Variants in TIPIN observed in about 807,000 individuals in gnomAD.
TIPIN encodes the protein TIMELESS interacting protein.
TIPIN carries 29 observed loss-of-function variants against 35.6 expected under a neutral mutation model. The observed-to-expected ratio is 0.82, with a 90% confidence interval of 0.61 to 1.11. The LOEUF is 1.11. Ranked by LOEUF, TIPIN falls within the 50% of genes most tolerant of loss-of-function variation. The pLI is 0.00. For synonymous variants in TIPIN, 102 were observed against 121.5 expected (o/e 0.84, Z 1.06); for missense variants, 296 against 345.4 (o/e 0.86, Z 1.13).
Position 66,351,690 on chromosome 15 carries a change from T to A in TIPIN, c.213-90A>T. The A allele has an allele frequency of 1.1e-5, 12 of 1,105,566 alleles. No homozygotes were observed. The South Asian group carries it at 1.4e-4, about 13-fold the overall frequency. The allele number at this position is 1,105,566 out of a possible 1,614,324, so 68.5% of individuals were successfully genotyped here. A position where few individuals can be genotyped will look rare whatever the true frequency, so the allele number is the denominator to read the frequency against. ...TCTCACTCTGTCGCCCAGGCTGGGA[T>A]GCGGTGGCGCGATCTCGGGTCACTG... On this transcript the variant is annotated intron_variant, in intron 3 of 7. Coordinates refer to ENST00000261881, the MANE Select transcript of TIPIN (RefSeq NM_017858.3).
At chr15:66,371,626 G>A (rs184310178) in intron 1 of TIPIN, among the ~76,000 whole-genome samples, 167 of 151,232 alleles carry the variant, frequency 1.1e-3, no homozygotes, top group Admixed American at 3.5e-3. Flanking sequence ...CCATTCTCCT[G>A]CCTCAGCCTC....
At chr15:66,339,145 AAAAAAAAAAAAAG>A (rs1184369136) in intron 7 of TIPIN, among the ~76,000 whole-genome samples, 3 of 55,140 alleles carry the variant, frequency 5.4e-5, no homozygotes, top group African/African-American at 1.0e-4. Context: ...AAAAAAAAAA[AAAAAAAAAAAAAG>A]CAAAAAGAAA....
chr15:66,338,833 AAAG>A (rs1304325316), intron 7 of TIPIN, among the ~76,000 whole-genome samples: 3 of 147,822 alleles, frequency 2.0e-5, no homozygotes, highest in Admixed American at 6.8e-5. Context: ...AAAAAAAAAA[AAAG>A]GAAAAAGTAA....
At chr15:66,359,174 G>GACACACACACACACACACACAC (rs144363122), upstream of TIPIN, among the ~76,000 whole-genome samples, 1 of 134,814 alleles carries the variant, frequency 7.4e-6, no homozygotes, top group Non-Finnish European at 1.7e-5. Flanking sequence ...CACACACACA[G>GACACACACACACACACACACAC]ACACACACAC....
chr15:66,339,241 G>GA (rs1301464220), intron 7 of TIPIN, among the ~76,000 whole-genome samples: 1 of 149,046 alleles, frequency 6.7e-6, no homozygotes, highest in African/African-American at 2.5e-5. Flanking sequence ...TATATTGGGT[G>GA]AAACTTCGTT....
intron 1 of TIPIN, chr15:66,386,565 A>G (rs1262187377): frequency 6.2e-6 from 1 of 162,548 alleles, no homozygotes; most frequent in East Asian, 1.3e-4. Flanking sequence ...TTTCGTCAAC[A>G]CGGCTCGGCT....
chr15:66,375,499 TTA>T (rs71139487), intron 1 of TIPIN, among the ~76,000 whole-genome samples: 59,037 of 132,186 alleles, frequency 0.45, 13,599 homozygotes, highest in Non-Finnish European at 0.54. Context: ...ATTGGAAAAG[TTA>T]TATATATATA....
At chr15:66,364,235 G>A (rs200522930) in intron 1 of TIPIN, among the ~76,000 whole-genome samples, 1 of 132,480 alleles carries the variant, frequency 7.5e-6, no homozygotes, top group African/African-American at 2.9e-5. Context: ...ATGCGATCTC[G>A]ACTCACTGCA....
chr15:66,338,813 C>CAAAAAAAAAA (rs35966273), intron 7 of TIPIN, among the ~76,000 whole-genome samples: 1 of 35,290 alleles, frequency 2.8e-5, no homozygotes, highest in African/African-American at 1.3e-4. Flanking sequence ...GACTCCGTCT[C>CAAAAAAAAAA]AAAAAAAAAA....
chr15:66,342,520 T>C (rs1595786134), intron 6 of TIPIN, among the ~76,000 whole-genome samples: 1 of 152,042 alleles, frequency 6.6e-6, no homozygotes, highest in South Asian at 2.1e-4. Context: ...CCCGCCACCA[T>C]GCCCAGCTAA....
chr15:66,370,840 A>G (rs1409126515), intron 1 of TIPIN, among the ~76,000 whole-genome samples: 1 of 152,182 alleles, frequency 6.6e-6, no homozygotes, highest in African/African-American at 2.4e-5. Flanking sequence ...TTGCCACTAA[A>G]ATAAAACTGT....
chr15:66,370,271 C>T (rs1260294024), intron 1 of TIPIN, among the ~76,000 whole-genome samples: 1 of 152,170 alleles, frequency 6.6e-6, no homozygotes, highest in South Asian at 2.1e-4. Flanking sequence ...AAAACAGGTG[C>T]TGGATCTGAC....
At chr15:66,349,475 A>C in intron 4 of TIPIN, 38 bp from the exon 5 acceptor site, 1 of 1,599,604 alleles carries the variant, frequency 6.3e-7, no homozygotes, top group Non-Finnish European at 8.5e-7. Flanking sequence ...CAGGAGTCTC[A>C]TTCTCACAGC....
chr15:66,337,334 T>TG (rs1170290952), intron 7 of TIPIN, among the ~76,000 whole-genome samples, 153 bp from the exon 8 acceptor site: 1 of 151,658 alleles, frequency 6.6e-6, no homozygotes, highest in Admixed American at 6.6e-5. Context: ...ATATCTTTTT[T>TG]TTTTTTTTTG....
intron 1 of TIPIN, chr15:66,382,996 CT>C: frequency 5.1e-6 from 5 of 985,348 alleles, no homozygotes; most frequent in Non-Finnish European, 6.0e-6. Flanking sequence ...ATTCTGCAAA[CT>C]TTAACCATTG....
At chr15:66,351,656 G>C in intron 3 of TIPIN, 56 bp from the exon 4 acceptor site, 1 of 475,218 alleles carries the variant, frequency 2.1e-6, no homozygotes, top group South Asian at 4.4e-5. Flanking sequence ...TTTTTTTTTT[G>C]AGACGGAGTC....
chr15:66,377,008 TGAGGCAG>T (rs903616684), intron 1 of TIPIN, among the ~76,000 whole-genome samples: 4 of 147,346 alleles, frequency 2.7e-5, no homozygotes, highest in Admixed American at 2.1e-4. Flanking sequence ...CTCAGAAGGC[TGAGGCAG>T]GAGAATCGCT....
chr15:66,362,164 A>G (rs753667413), intron 1 of TIPIN, among the ~76,000 whole-genome samples: 2 of 151,676 alleles, frequency 1.3e-5, no homozygotes, highest in South Asian at 2.1e-4. Context: ...TTAGCTGGGC[A>G]TGGTGGCACA....
rs909481906 is a variant in TIPIN, at chr15:66,381,781, T to C, written c.-9+4826A>G. Among the ~76,000 whole-genome samples the C allele has an allele frequency of 4.0e-5, 6 of 151,806 alleles. No homozygotes were observed. The South Asian group carries it at 6.2e-4, about 16-fold the overall frequency. ...AAAGCCTCTATAAATTATTCTCCTT[T>C]GGCCGGGCACGGTGGCTCACACCTG... On this transcript the variant is annotated intron_variant, in intron 1 of 7. Transcript: ENST00000562124.
Sources: gnomAD v4.1 joint callset for allele counts (sites outside exome capture counted in the v4.1 genomes callset) on GRCh38, gnomAD v4.1.1 for gene constraint, MANE v1.5 for transcripts, NCBI Gene and HGNC (gene_info 2026-07-23, HGNC 2026-07-21) for gene names.